MTUS2: variants seen among roughly 807,000 people sequenced by gnomAD.
MTUS2 encodes microtubule-associated tumor suppressor candidate 2.
Under a neutral mutation model 114.1 loss-of-function variants are expected in MTUS2, and 40 were observed. The observed-to-expected ratio is 0.35, with a 90% CI of 0.27 to 0.46. MTUS2 has a LOEUF of 0.46. Among genes scored for constraint, MTUS2 ranks in the 20% least tolerant of loss-of-function variants. The pLI is 1.00. For synonymous variants in MTUS2, 688 were observed against 672.0 expected (o/e 1.02, Z -0.37); for missense variants, 1,679 against 1,705.4 (o/e 0.98, Z 0.27).
At chr13:29,086,494 G>A (rs145612649) in intron 4 of MTUS2, among the ~76,000 whole-genome samples, 1,599 of 152,140 alleles carry the variant, frequency 0.011, 72 homozygotes, top group East Asian at 0.089. Flanking sequence ...GTTTGTTTTT[G>A]TACCAGTACC....
chr13:28,899,511 G>A (rs1391910079), intron 2 of MTUS2, among the ~76,000 whole-genome samples: 1 of 152,032 alleles, frequency 6.6e-6, no homozygotes, highest in Non-Finnish European at 1.5e-5. Flanking sequence ...CCAGGTTCAC[G>A]CCATTCTCCT....
chr13:29,372,154 G>A (rs1871247081), intron 8 of MTUS2, among the ~76,000 whole-genome samples: 1 of 150,726 alleles, frequency 6.6e-6, no homozygotes, highest in African/African-American at 2.4e-5. Flanking sequence ...GCTGGCTGGG[G>A]AAAGACTTCA....
At chr13:29,502,907 C>CA in intron 15 of MTUS2, 86 bp from the exon 16 acceptor site, 1 of 1,367,698 alleles carries the variant, frequency 7.3e-7, no homozygotes, top group South Asian at 1.3e-5. Context: ...TCATGGCCTC[C>CA]TCCCTTTGCC....
chr13:29,084,354 C>T (rs996503873), intron 4 of MTUS2, among the ~76,000 whole-genome samples: 5 of 151,356 alleles, frequency 3.3e-5, no homozygotes, highest in South Asian at 2.1e-4. Flanking sequence ...TTCTTCCCTC[C>T]ACCCTCCTTA....
chr13:29,052,572 A>C (rs1004856901), intron 4 of MTUS2, among the ~76,000 whole-genome samples: 3 of 152,208 alleles, frequency 2.0e-5, no homozygotes, highest in African/African-American at 7.2e-5. Context: ...AAATGGACAA[A>C]GCCTCTGAAT....
chr13:28,874,458 G>A lies in MTUS2; in HGVS notation c.-243+34608G>A, dbSNP rs961810152. Among the ~76,000 whole-genome samples, 8 of 152,280 alleles carry A rather than the reference G, an allele frequency of 5.3e-5. No homozygotes were observed. The East Asian group carries it at 1.2e-3, about 22-fold the overall frequency. On this transcript the variant is annotated intron_variant, in intron 2 of 15. Transcript: ENST00000612955. ...AGGAATTCAGGAAGGACTTGGCTAG[G>A]TGGCTCGCTTTTAGGATCTCTCAGA...
At chr13:29,028,307 C>T (rs928649753) in intron 3 of MTUS2, among the ~76,000 whole-genome samples, 19 of 152,234 alleles carry the variant, frequency 1.2e-4, no homozygotes, top group Admixed American at 3.3e-4. Context: ...GCTGAGACCA[C>T]GCCACTGCAC....
chr13:29,030,362 C>T (rs1886760505), intron 3 of MTUS2, among the ~76,000 whole-genome samples: 1 of 152,140 alleles, frequency 6.6e-6, no homozygotes, highest in Non-Finnish European at 1.5e-5. Flanking sequence ...TGTTTTTGGG[C>T]CTCGACTTTA....
intron 9 of MTUS2, among the ~76,000 whole-genome samples, chr13:29,453,885 A>AT (rs1386890088): frequency 2.6e-5 from 4 of 152,032 alleles, no homozygotes; most frequent in African/African-American, 4.8e-5. Flanking sequence ...TTAACATGTG[A>AT]TTTTTTTGTG....
chr13:29,147,437 T>A (rs1389234272), intron 5 of MTUS2, among the ~76,000 whole-genome samples: 1 of 152,118 alleles, frequency 6.6e-6, no homozygotes, highest in South Asian at 2.1e-4. Flanking sequence ...TTTTAAAAAA[T>A]TTTAGCTTTA....
chr13:29,332,631 T>A (rs1193741516), intron 7 of MTUS2, among the ~76,000 whole-genome samples: 1 of 118,216 alleles, frequency 8.5e-6, no homozygotes, highest in South Asian at 3.1e-4. Flanking sequence ...GCTTCTCTAA[T>A]TCTTTTTTTT....
intron 4 of MTUS2, among the ~76,000 whole-genome samples, chr13:29,061,362 G>A (rs553193209): frequency 6.6e-6 from 1 of 152,278 alleles, no homozygotes; most frequent in African/African-American, 2.4e-5. Context: ...GTAGTGAAGT[G>A]GAACCGTTAT....
rs190861378 is a variant in MTUS2 at position 29,113,745 on chromosome 13, T to C, written c.2644+12775T>C. 3.8e-3 allele frequency among the ~76,000 whole-genome samples: 583 copies of C among 152,288 alleles called. 3 individuals carry two copies. The highest frequency in any genetic ancestry group is 6.2e-3 in the Admixed American group (95 of 15,296). ...ATTCACAATGGCAGTTATTTCTTCC[T>C]TCATGTGGAGCTGCACCACATGAAT... On this transcript the variant is annotated intron_variant, in intron 5 of 15. Transcript: ENST00000612955.
intron 11 of MTUS2, among the ~76,000 whole-genome samples, chr13:29,492,271 T>C (rs1472878525): frequency 6.7e-6 from 1 of 149,520 alleles, no homozygotes; most frequent in Admixed American, 6.7e-5. Flanking sequence ...GTGGTAGATG[T>C]GTGTGGCATG....
At chr13:29,249,761 G>T (rs914669763) in intron 5 of MTUS2, among the ~76,000 whole-genome samples, 1 of 152,100 alleles carries the variant, frequency 6.6e-6, no homozygotes, top group Non-Finnish European at 1.5e-5. Context: ...TAGGTTGCCT[G>T]TTCACTCTGA....
chr13:29,262,473 A>G (rs965815910), intron 5 of MTUS2, among the ~76,000 whole-genome samples: 1 of 152,022 alleles, frequency 6.6e-6, no homozygotes, highest in South Asian at 2.1e-4. Context: ...CAGAGGAGAT[A>G]TGGAAGCTTC....
At chr13:29,370,223 A>G (rs896161013) in intron 8 of MTUS2, among the ~76,000 whole-genome samples, 1 of 152,006 alleles carries the variant, frequency 6.6e-6, no homozygotes, top group African/African-American at 2.4e-5. Flanking sequence ...AAAACGTGCT[A>G]TGGTTTGCAT....
rs558571522 is a variant in MTUS2 at position 28,939,453 on chromosome 13, C to T, written c.-242-85004C>T. Reference sequence around the variant, plus strand: ...AGCATATGTCTCTGGGGCTGAATTGCTTTTTGCAATACTAATTGTTTCTGT... The same window carrying T: ...AGCATATGTCTCTGGGGCTGAATTGTTTTTTGCAATACTAATTGTTTCTGT... On this transcript the variant is annotated intron_variant, in intron 2 of 15. Transcript: ENST00000612955. Among the ~76,000 whole-genome samples the T allele has an allele frequency of 2.0e-4, 30 of 152,204 alleles. 1 individual carries two copies. The highest frequency in any genetic ancestry group is 1.4e-3 in the Admixed American group (22 of 15,278).
chr13:29,127,498 C>T (rs1361300651), intron 5 of MTUS2, among the ~76,000 whole-genome samples: 4 of 152,202 alleles, frequency 2.6e-5, no homozygotes, highest in African/African-American at 9.6e-5. Flanking sequence ...AAGAGCAAAA[C>T]TGAGGCTTCC....
Sources: allele counts gnomAD v4.1 joint callset (sites outside exome capture counted in the v4.1 genomes callset), GRCh38; gene constraint gnomAD v4.1.1; transcripts MANE v1.5; gene names NCBI Gene and HGNC (gene_info 2026-07-23, HGNC 2026-07-21).